The following MTM1 variants were observed in gnomAD, a reference collection of about 807,000 sequenced individuals.
The protein encoded by MTM1 is myotubularin.
In MTM1, 9 loss-of-function variants were observed where a neutral mutation model predicts 52.1. The observed-to-expected ratio is 0.17, with a 90% CI of 0.10 to 0.30. MTM1 has a LOEUF of 0.30. MTM1 is among the 10% of genes least tolerant of loss of function. The pLI is 1.00. For missense variants in MTM1, 277 were observed against 470.7 expected, an observed-to-expected ratio of 0.59 and a Z score of 3.81; for synonymous variants, 136 against 163.8, an observed-to-expected ratio of 0.83 and a Z score of 1.29.
chrX:150,564,767 A>G (rs781867914), upstream of MTM1, among the ~76,000 whole-genome samples: 1 of 112,208 alleles, frequency 8.9e-6, no homozygotes, highest in East Asian at 2.8e-4. Context: ...TTGGATAAAT[A>G]CCTAGGAATA....
intron 10 of MTM1, among the ~76,000 whole-genome samples, chrX:150,653,100 A>G (rs141345602): frequency 8.9e-6 from 1 of 111,943 alleles, no homozygotes; most frequent in Non-Finnish European, 1.9e-5. Flanking sequence ...ATTGTTCTGT[A>G]CAGAAGCCAA....
chrX:150,598,538 G>T, intron 3 of MTM1, 54 bp from the exon 4 acceptor site: 2 of 706,648 alleles, frequency 2.8e-6, no homozygotes, highest in East Asian at 6.4e-5. Context: ...GCCATTTGTT[G>T]TGTATCTTGG....
intron 4 of MTM1, among the ~76,000 whole-genome samples, chrX:150,608,471 C>T (rs781946831): frequency 1.2e-3 from 132 of 112,073 alleles, no homozygotes; most frequent in South Asian, 7.8e-3. Flanking sequence ...CGCCTGCCTC[C>T]GCCTCCCAAA....
At chrX:150,592,340 C>T (rs782390779) in intron 1 of MTM1, among the ~76,000 whole-genome samples, 31 of 111,163 alleles carry the variant, frequency 2.8e-4, no homozygotes, top group Non-Finnish European at 4.3e-4. Flanking sequence ...ATGTGTATGG[C>T]GTCTTCTGCT....
At chrX:150,641,009 A>G (rs1338565359) in intron 7 of MTM1, among the ~76,000 whole-genome samples, 5 of 112,072 alleles carry the variant, frequency 4.5e-5, no homozygotes, top group African/African-American at 1.6e-4. Context: ...AAATAAAGGA[A>G]GACGAATTCC....
At chrX:150,647,599 G>A (rs1247571779) in intron 9 of MTM1, among the ~76,000 whole-genome samples, 4 of 111,641 alleles carry the variant, frequency 3.6e-5, no homozygotes, top group Non-Finnish European at 7.5e-5. Flanking sequence ...CTTTTTTGTT[G>A]AAGAAAGGAA....
intron 4 of MTM1, among the ~76,000 whole-genome samples, chrX:150,602,210 G>T (rs1439122012): frequency 1.8e-5 from 2 of 112,276 alleles, no homozygotes; most frequent in Non-Finnish European, 3.8e-5. Flanking sequence ...TGTGTCCTAT[G>T]TTATATATTT....
chrX:150,569,231 A>G (rs1603081722), intron 1 of MTM1, among the ~76,000 whole-genome samples: 2 of 113,392 alleles, frequency 1.8e-5, no homozygotes. Flanking sequence ...AGTTGAGGGA[A>G]GATCTTAGAG....
intron 14 of MTM1, among the ~76,000 whole-genome samples, chrX:150,670,430 G>T (rs781792924): frequency 6.7e-4 from 75 of 112,164 alleles, no homozygotes; most frequent in African/African-American, 2.3e-3. Context: ...AGGTGAGGGG[G>T]CAAACCCAGC....
At chrX:150,622,856 C>T (rs1254855434) in intron 6 of MTM1, among the ~76,000 whole-genome samples, 1 of 111,556 alleles carries the variant, frequency 9.0e-6, no homozygotes, top group Non-Finnish European at 1.9e-5. Context: ...GTTTTGGACA[C>T]ATAGCATTTC....
At position 150,672,606 on chromosome X, in the gene MTM1, C is replaced by T. The variant is rs1411043842; in HGVS notation, c.*1011C>T. 2 of 111,899 alleles carry T rather than the reference C, an allele frequency of 1.8e-5. No homozygotes were observed. The highest frequency in any genetic ancestry group is 6.5e-5 in the African/African-American group (2 of 30,781). The allele number at this position is 111,899 out of a possible 1,213,427, so 9.2% of individuals were successfully genotyped here. A position where few individuals can be genotyped will look rare whatever the true frequency, so the allele number is the denominator to read the frequency against. The stretch of plus-strand genomic sequence containing the variant: ...GTTGGCTTCCCCTCCCCACCCCACG[C>T]GTGCATAAAAACTGGTTCTACAAAT... On this transcript the variant is annotated 3_prime_UTR_variant, in exon 15 of 15. Transcript: ENST00000370396.
chrX:150,573,317 A>C (rs1557411522), intron 1 of MTM1, among the ~76,000 whole-genome samples: 1 of 112,400 alleles, frequency 8.9e-6, no homozygotes, highest in Admixed American at 9.4e-5. Context: ...CAGCTTCTTG[A>C]TTTTTGAACT....
chrX:150,663,200 C>A (rs1356458077), intron 13 of MTM1, among the ~76,000 whole-genome samples: 3 of 112,272 alleles, frequency 2.7e-5, no homozygotes, highest in Admixed American at 9.4e-5. Flanking sequence ...TCCTGCGCCC[C>A]TGTCTTCAGG....
At chrX:150,584,272 A>G (rs1272769337) in intron 1 of MTM1, among the ~76,000 whole-genome samples, 5 of 109,003 alleles carry the variant, frequency 4.6e-5, no homozygotes, top group African/African-American at 1.7e-4. Context: ...GTGGAACACA[A>G]CTATATGCAT....
intron 4 of MTM1, among the ~76,000 whole-genome samples, chrX:150,601,639 T>C (rs376869058): frequency 1.9e-4 from 21 of 112,044 alleles, no homozygotes; most frequent in African/African-American, 6.5e-4. Flanking sequence ...AGAGAAACAG[T>C]GTCCATGTCC....
chrX:150,665,932 A>T (rs2040297709), intron 14 of MTM1, among the ~76,000 whole-genome samples: 1 of 112,469 alleles, frequency 8.9e-6, no homozygotes, highest in African/African-American at 3.2e-5. Flanking sequence ...ACTGCATTCC[A>T]TGTAGCTGTT....
chrX:150,648,957 T>G, intron 9 of MTM1, among the ~76,000 whole-genome samples: 1 of 112,358 alleles, frequency 8.9e-6, no homozygotes, highest in Non-Finnish European at 1.9e-5. Context: ...CGTCTCTGAG[T>G]TTCTGTTTTC....
rs781977209 is a variant in MTM1 at position 150,659,767 on chromosome X, T to C, written c.1353+11T>C. 3 of 1,146,097 alleles carry C rather than the reference T, an allele frequency of 2.6e-6. No homozygotes were observed. In the South Asian group the frequency reaches 5.4e-5, roughly 21 times the overall value. The allele number at this position is 1,146,097 out of a possible 1,213,427, so 94.5% of individuals were successfully genotyped here. On this transcript the variant is annotated intron_variant, in intron 12 of 14. Coordinates refer to ENST00000370396, the MANE Select transcript of MTM1 (RefSeq NM_000252.3). ...CAAATGTCAAAACAGGTAAGGAATA[T>C]GAGGGATGAAAATACATTCAACTCA...
intron 1 of MTM1, among the ~76,000 whole-genome samples, chrX:150,574,435 C>T (rs1439486309): frequency 3.6e-5 from 4 of 111,127 alleles, no homozygotes; most frequent in African/African-American, 9.8e-5. Flanking sequence ...AATTAAAGTT[C>T]GGAAATAGTC....
Sources: gnomAD v4.1 joint callset for allele counts (sites outside exome capture counted in the v4.1 genomes callset) on GRCh38, gnomAD v4.1.1 for gene constraint, MANE v1.5 for transcripts, NCBI Gene and HGNC (gene_info 2026-07-23, HGNC 2026-07-21) for gene names.